PRKG1: variants seen among roughly 807,000 people sequenced by gnomAD.
PRKG1 encodes cGMP-dependent protein kinase 1.
PRKG1 carries 35 observed loss-of-function variants against 88.1 expected under a neutral mutation model. The ratio of observed to expected loss-of-function variants is 0.40; its 90% CI spans 0.30 to 0.53. The LOEUF (loss-of-function observed/expected upper bound fraction) is 0.53. PRKG1 is among the 20% of genes least tolerant of loss of function. The pLI is 0.59. For missense variants in PRKG1, 540 were observed against 839.8 expected (o/e 0.64, Z 4.41); for synonymous variants, 303 against 292.5 (o/e 1.04, Z -0.37).
chr10:52,102,189 GT>G (rs1323739344), intron 7 of PRKG1, among the ~76,000 whole-genome samples: 2 of 151,818 alleles, frequency 1.3e-5, no homozygotes, highest in Non-Finnish European at 2.9e-5. Flanking sequence ...TTTTTGTTTT[GT>G]TTTTTGTTGT....
chr10:52,123,412 G>A (rs1484220568), intron 7 of PRKG1, among the ~76,000 whole-genome samples: 1 of 152,062 alleles, frequency 6.6e-6, no homozygotes, highest in East Asian at 1.9e-4. Flanking sequence ...TTTGGGTCAT[G>A]TTACGAGTCC....
chr10:52,074,717 T>C (rs1846587980), intron 7 of PRKG1, among the ~76,000 whole-genome samples: 1 of 152,198 alleles, frequency 6.6e-6, no homozygotes, highest in Admixed American at 6.5e-5. Flanking sequence ...AATCATACTT[T>C]GGACAGGCAA....
intron 8 of PRKG1, among the ~76,000 whole-genome samples, chr10:52,137,627 A>T (rs2132643445): frequency 6.6e-6 from 1 of 152,218 alleles, no homozygotes; most frequent in East Asian, 1.9e-4. Flanking sequence ...TGTACTTTAA[A>T]ATATATCTAG....
chr10:51,827,102 C>T (rs2132742859), intron 4 of PRKG1, among the ~76,000 whole-genome samples: 1 of 152,184 alleles, frequency 6.6e-6, no homozygotes, highest in East Asian at 1.9e-4. Context: ...AGCAAAGTTT[C>T]CCAAAGTATT....
intron 16 of PRKG1, 69 bp downstream of exon 16, chr10:52,289,062 T>G (rs1842182071): frequency 6.9e-7 from 1 of 1,454,530 alleles, no homozygotes. Flanking sequence ...TTTTAAGTTA[T>G]TGGTGTAAAA....
chr10:51,318,507 A>G (rs1406097300), intron 2 of PRKG1, among the ~76,000 whole-genome samples: 5 of 152,214 alleles, frequency 3.3e-5, no homozygotes, highest in Admixed American at 1.3e-4. Flanking sequence ...ATAAATAAGT[A>G]TAAGTATATG....
chr10:51,460,316 A>T (rs571367452), intron 2 of PRKG1, among the ~76,000 whole-genome samples: 1 of 152,186 alleles, frequency 6.6e-6, no homozygotes, highest in African/African-American at 2.4e-5. Context: ...TGATTGTAGT[A>T]CTCTTGCCAT....
chr10:52,103,239 C>A (rs1847337950), intron 7 of PRKG1, among the ~76,000 whole-genome samples: 1 of 152,126 alleles, frequency 6.6e-6, no homozygotes, highest in Non-Finnish European at 1.5e-5. Context: ...TTGGGGACCA[C>A]TGCCACATAG....
intron 2 of PRKG1, among the ~76,000 whole-genome samples, chr10:51,369,990 C>A: frequency 6.6e-6 from 1 of 152,174 alleles, no homozygotes; most frequent in East Asian, 1.9e-4. Flanking sequence ...AGCAAGCCAG[C>A]TCAAGCCACT....
intron 5 of PRKG1, chr10:51,911,279 A>G (rs1411562532): frequency 6.6e-6 from 1 of 151,786 alleles, no homozygotes; most frequent in African/African-American, 2.4e-5. Flanking sequence ...TTGTTTTTAA[A>G]TCAAACTAAA....
chr10:51,447,278 T>A (rs986476203), intron 2 of PRKG1, among the ~76,000 whole-genome samples: 1 of 151,992 alleles, frequency 6.6e-6, no homozygotes, highest in African/African-American at 2.4e-5. Context: ...TAATGGTAAC[T>A]GATACATCAC....
At chr10:51,983,269 G>A (rs945661826) in intron 5 of PRKG1, among the ~76,000 whole-genome samples, 1 of 152,094 alleles carries the variant, frequency 6.6e-6, no homozygotes, top group Non-Finnish European at 1.5e-5. Context: ...GGCAAGGAAG[G>A]TTACCCTCCA....
At chr10:51,516,519 G>C (rs1841591138) in intron 3 of PRKG1, among the ~76,000 whole-genome samples, 1 of 152,098 alleles carries the variant, frequency 6.6e-6, no homozygotes, top group Admixed American at 6.5e-5. Context: ...CAAGCTTTTT[G>C]GCTTGAAGGT....
intron 1 of PRKG1, among the ~76,000 whole-genome samples, chr10:51,119,466 T>C (rs1396483420): frequency 2.0e-5 from 3 of 152,082 alleles, no homozygotes; most frequent in African/African-American, 7.2e-5. Context: ...ATGGTACAGA[T>C]GTGTACAGTT....
chr10:52,036,039 G>A (rs1453873463), intron 5 of PRKG1, among the ~76,000 whole-genome samples: 4 of 152,152 alleles, frequency 2.6e-5, no homozygotes, highest in African/African-American at 9.7e-5. Context: ...GGCAGGGAGA[G>A]CACGTGTGTT....
intron 3 of PRKG1, among the ~76,000 whole-genome samples, chr10:51,573,143 G>A (rs1275967808): frequency 6.6e-6 from 1 of 151,788 alleles, no homozygotes; most frequent in Non-Finnish European, 1.5e-5. Flanking sequence ...ATTGAAATGA[G>A]TCAATCCTAT....
chr10:51,297,005 T>A (rs1703925771), intron 2 of PRKG1, among the ~76,000 whole-genome samples: 2 of 152,152 alleles, frequency 1.3e-5, no homozygotes. Context: ...GATATTCCTC[T>A]GTTTTAACCT....
chr10:51,860,241 T>C (rs998523450), intron 4 of PRKG1, among the ~76,000 whole-genome samples: 4 of 152,194 alleles, frequency 2.6e-5, no homozygotes, highest in African/African-American at 9.7e-5. Flanking sequence ...CCCTCAAAGT[T>C]TGTGGCTTAA....
chr10:51,248,407 A>T (rs950586389), intron 2 of PRKG1, among the ~76,000 whole-genome samples: 22 of 151,992 alleles, frequency 1.4e-4, no homozygotes, highest in East Asian at 7.7e-4. Context: ...ATGTTTTATT[A>T]AAAAAATCGC....
Sources: allele counts gnomAD v4.1 joint callset (sites outside exome capture counted in the v4.1 genomes callset), GRCh38; gene constraint gnomAD v4.1.1; transcripts MANE v1.5; gene names NCBI Gene and HGNC (gene_info 2026-07-23, HGNC 2026-07-21).